The following MAGI2 variants were observed in gnomAD, a reference collection of about 807,000 sequenced individuals.
MAGI2 encodes the protein membrane associated guanylate kinase, WW and PDZ domain containing 2.
In MAGI2, 35 loss-of-function variants were observed where a neutral mutation model predicts 133.3. That is an observed-to-expected ratio of 0.26 (90% CI 0.20 to 0.35). The LOEUF (loss-of-function observed/expected upper bound fraction) is 0.35. Among genes scored for constraint, MAGI2 ranks in the 10% least tolerant of loss-of-function variants. The pLI, the probability that MAGI2 is intolerant of heterozygous loss-of-function variation, is 1.00. For synonymous variants in MAGI2, 729 were observed against 710.6 expected, an observed-to-expected ratio of 1.03 and a Z score of -0.41; for missense variants, 1,636 against 1,863.4, an observed-to-expected ratio of 0.88 and a Z score of 2.25.
chr7:78,916,268 C>T (rs1013127718), intron 2 of MAGI2, among the ~76,000 whole-genome samples: 1 of 151,838 alleles, frequency 6.6e-6, no homozygotes, highest in Admixed American at 6.6e-5. Context: ...AAAATACGTA[C>T]TTAATGTAGT....
chr7:78,052,392 C>T (rs1207346456), intron 21 of MAGI2, among the ~76,000 whole-genome samples: 1 of 152,176 alleles, frequency 6.6e-6, no homozygotes, highest in African/African-American at 2.4e-5. Context: ...GACTGCTGCA[C>T]AGTTTCTCTA....
chr7:78,093,169 A>C (rs148501377), intron 20 of MAGI2, among the ~76,000 whole-genome samples: 1 of 145,932 alleles, frequency 6.9e-6, no homozygotes, highest in African/African-American at 2.5e-5. Flanking sequence ...AAAAGAAAGT[A>C]ATGGCAGGTG....
intron 2 of MAGI2, among the ~76,000 whole-genome samples, chr7:78,958,613 A>T (rs1802595382): frequency 6.6e-6 from 1 of 152,142 alleles, no homozygotes; most frequent in African/African-American, 2.4e-5. Context: ...CTAGCCAGGG[A>T]TTGTGCTTAA....
intron 1 of MAGI2, among the ~76,000 whole-genome samples, chr7:79,163,501 C>T (rs1311257452): frequency 6.6e-6 from 1 of 152,032 alleles, no homozygotes; most frequent in Non-Finnish European, 1.5e-5. Flanking sequence ...CACTGAGGAT[C>T]AGGTGTTTCT....
At chr7:79,240,402 G>T (rs1832299562) in intron 1 of MAGI2, among the ~76,000 whole-genome samples, 1 of 151,740 alleles carries the variant, frequency 6.6e-6, no homozygotes, top group African/African-American at 2.4e-5. Context: ...TGAAAACAAT[G>T]GGAGCCTATG....
chr7:78,966,375 T>C (rs1584524541), intron 2 of MAGI2, among the ~76,000 whole-genome samples: 1 of 152,260 alleles, frequency 6.6e-6, no homozygotes, highest in Middle Eastern at 3.4e-3. Context: ...CATTCTACTG[T>C]GCTTCTGCAA....
chr7:78,632,589 T>C (rs1261256404), intron 2 of MAGI2, among the ~76,000 whole-genome samples: 1 of 152,224 alleles, frequency 6.6e-6, no homozygotes, highest in Non-Finnish European at 1.5e-5. Flanking sequence ...TGGATTAGCT[T>C]AGGTCATTTG....
chr7:79,090,897 C>G (rs138440023), intron 1 of MAGI2, among the ~76,000 whole-genome samples: 4 of 152,188 alleles, frequency 2.6e-5, no homozygotes, highest in African/African-American at 9.6e-5. Context: ...ATGACCACTT[C>G]CGTGATTTAT....
At chr7:78,807,153 A>AGC (rs1272709118) in intron 2 of MAGI2, among the ~76,000 whole-genome samples, 1 of 152,080 alleles carries the variant, frequency 6.6e-6, no homozygotes, top group East Asian at 1.9e-4. Flanking sequence ...CAGTTCTCAA[A>AGC]CATTTTGTTC....
chr7:79,157,972 G>GTGTATGTGTC (rs1562949553), intron 1 of MAGI2, among the ~76,000 whole-genome samples: 1 of 145,862 alleles, frequency 6.9e-6, no homozygotes, highest in Admixed American at 7.0e-5. Flanking sequence ...GTGTGTGTGT[G>GTGTATGTGTC]TGTGTATTTA....
At chr7:79,324,542 T>C (rs1328034989) in intron 1 of MAGI2, among the ~76,000 whole-genome samples, 1 of 49,920 alleles carries the variant, frequency 2.0e-5, no homozygotes. Flanking sequence ...TATATAACCA[T>C]ATATATACAT....
At chr7:78,042,485 TA>T (rs750502329) in intron 21 of MAGI2, among the ~76,000 whole-genome samples, 5 of 152,180 alleles carry the variant, frequency 3.3e-5, no homozygotes, top group Non-Finnish European at 5.9e-5. Flanking sequence ...TCCTCTGGGC[TA>T]TTGTAGTACA....
intron 1 of MAGI2, among the ~76,000 whole-genome samples, chr7:79,045,912 C>G (rs1812136195): frequency 1.3e-5 from 2 of 152,146 alleles, no homozygotes; most frequent in Admixed American, 1.3e-4. Context: ...TGAATCTATA[C>G]ATATGATAAA....
chr7:78,539,227 C>G lies in MAGI2; in HGVS notation c.539-17582G>C, dbSNP rs182540591. ...GCTGAATGTTTTAATCATAAAGGGA[C>G]GCTGAATTTTGTCAAATGACTTTTG... On this transcript the variant is annotated intron_variant, in intron 3 of 21. Coordinates refer to ENST00000354212, the MANE Select transcript of MAGI2 (RefSeq NM_012301.4). 2.1e-3 allele frequency among the ~76,000 whole-genome samples: 317 copies of G among 152,206 alleles called. 1 individual carries two copies. Among genetic ancestry groups the G allele is most frequent in the African/African-American group, 7.1e-3 (294 of 41,494 alleles).
chr7:78,923,325 A>G (rs1799413322), intron 2 of MAGI2, among the ~76,000 whole-genome samples: 2 of 152,158 alleles, frequency 1.3e-5, no homozygotes, highest in Non-Finnish European at 2.9e-5. Context: ...TTATGGTTTT[A>G]GGTCTAACGT....
At chr7:78,423,501 T>G (rs557449935) in intron 6 of MAGI2, among the ~76,000 whole-genome samples, 1 of 152,188 alleles carries the variant, frequency 6.6e-6, no homozygotes, top group Admixed American at 6.5e-5. Flanking sequence ...GCTGAAAAGA[T>G]ACCTGAAAAT....
intron 9 of MAGI2, among the ~76,000 whole-genome samples, chr7:78,267,643 GTTA>G (rs954561176): frequency 6.6e-6 from 1 of 152,122 alleles, no homozygotes; most frequent in Non-Finnish European, 1.5e-5. Flanking sequence ...GAGAAAGATA[GTTA>G]TTATCTCTCT....
intron 1 of MAGI2, among the ~76,000 whole-genome samples, chr7:79,430,793 G>A (rs745825818): frequency 6.6e-5 from 10 of 152,178 alleles, no homozygotes; most frequent in Non-Finnish European, 1.3e-4. Flanking sequence ...TGAGGACAAT[G>A]GCCTAATCTA....
intron 1 of MAGI2, among the ~76,000 whole-genome samples, chr7:79,356,076 G>A (rs1029623707): frequency 6.6e-6 from 1 of 152,100 alleles, no homozygotes; most frequent in Non-Finnish European, 1.5e-5. Flanking sequence ...CTTGCTTAAA[G>A]GATATAATTT....
Sources: allele counts gnomAD v4.1 joint callset (sites outside exome capture counted in the v4.1 genomes callset), GRCh38; gene constraint gnomAD v4.1.1; transcripts MANE v1.5; gene names NCBI Gene and HGNC (gene_info 2026-07-23, HGNC 2026-07-21).